Variants in DMKN observed in about 807,000 individuals in gnomAD.
DMKN encodes dermokine.
A neutral mutation model predicts 67.6 loss-of-function variants in DMKN; 58 were observed. The ratio of observed to expected loss-of-function variants is 0.86; its 90% CI spans 0.69 to 1.07. DMKN has a LOEUF of 1.07. DMKN is among the 50% of genes least tolerant of loss of function. The pLI is 0.00. For missense variants in DMKN, 596 were observed against 601.5 expected, an observed-to-expected ratio of 0.99 and a Z score of 0.10; for synonymous variants, 240 against 232.3, an observed-to-expected ratio of 1.03 and a Z score of -0.30.
rs1003927881 is a variant in DMKN at position 35,503,203 on chromosome 19, G to A, written c.1135-317C>T. The A allele has an allele frequency of 2.4e-5, 34 of 1,421,744 alleles. No individual in the cohort carries two copies. The African/African-American group carries it at 3.2e-4, about 13-fold the overall frequency. The allele number at this position is 1,421,744 out of a possible 1,614,324, so 88.1% of individuals were successfully genotyped here. ...AGAGTGTCCCCTTTCCACCTGCCGG[G>A]CCTCCTCCAGCCCGTTTCCCGAAGC... On this transcript the variant is annotated intron_variant, in intron 9 of 15. Transcript: ENST00000339686.
chr19:35,504,388 C>T (rs1365336897), intron 9 of DMKN, among the ~76,000 whole-genome samples: 11 of 151,970 alleles, frequency 7.2e-5, no homozygotes. Flanking sequence ...ACCAGCCTGG[C>T]CAACATAGTG....
intron 11 of DMKN, among the ~76,000 whole-genome samples, chr19:35,501,483 C>T (rs117363905): frequency 0.011 from 1,693 of 152,362 alleles, 17 homozygotes; most frequent in Non-Finnish European, 0.016. Context: ...TGGAGCGCCT[C>T]GACCTCCCCC....
At chr19:35,502,680 G>T in intron 10 of DMKN, 150 bp downstream of exon 10, 1 of 772,552 alleles carries the variant, frequency 1.3e-6, no homozygotes, top group South Asian at 1.6e-5. Flanking sequence ...ACTTCAGCCT[G>T]GGTGATAGAG....
At chr19:35,510,352 T>C in intron 5 of DMKN, 100 bp from the exon 6 acceptor site, 1 of 1,552,548 alleles carries the variant, frequency 6.4e-7, no homozygotes, top group Non-Finnish European at 8.7e-7. Flanking sequence ...CCCAATCAGA[T>C]TCCAGTCCTC....
intron 9 of DMKN, chr19:35,503,451 G>A (rs1410867406): frequency 3.2e-6 from 5 of 1,548,050 alleles, no homozygotes; most frequent in Non-Finnish European, 4.4e-6. Flanking sequence ...TCTGGTCCTG[G>A]GCAAAGAAAC....
At chr19:35,500,077 T>C (rs748348779) in intron 12 of DMKN, 48 bp from the exon 13 acceptor site, 16 of 1,604,400 alleles carry the variant, frequency 1.0e-5, no homozygotes, top group African/African-American at 2.7e-5. Context: ...ACGAAGGCCA[T>C]TTTGCTCTGG....
chr19:35,513,420 C>A lies in DMKN; in HGVS notation c.56G>T (p.Gly19Val). The change falls in exon 1 of 16, where the codon GGG becomes GTG. Residue 19 changes from glycine to valine, a missense_variant. Coordinates refer to ENST00000339686, the MANE Select transcript of DMKN (RefSeq NM_033317.5). ...TCCGCTCTGCAGGGGGCCAGCCTCCCCACTGCCCAGGCAGAGGGCCAGCAG... is the reference window on the plus strand; with the variant it reads ...TCCGCTCTGCAGGGGGCCAGCCTCCACACTGCCCAGGCAGAGGGCCAGCAG... ...CLLLALCLGS[G>V]EAGPLQSGEE... 1 of 1,604,090 alleles carries A rather than the reference C, an allele frequency of 6.2e-7. No homozygotes were observed. Among genetic ancestry groups the A allele is most frequent in the Non-Finnish European group, 8.5e-7 (1 of 1,179,948 alleles).
At chr19:35,508,729 G>A (rs1207619766) in intron 7 of DMKN, among the ~76,000 whole-genome samples, 1 of 152,196 alleles carries the variant, frequency 6.6e-6, no homozygotes, top group Non-Finnish European at 1.5e-5. Flanking sequence ...TGGTTAGATG[G>A]AGGGGTGGGA....
chr19:35,512,667 AG>A lies in DMKN; in HGVS notation c.549del (p.Phe184LeufsTer3). On this transcript the variant is annotated frameshift_variant, in exon 2 of 16. Coordinates refer to ENST00000339686, the MANE Select transcript of DMKN (RefSeq NM_033317.5). LOFTEE classifies it high-confidence loss of function. ...VHGYPGNSAG[S>X]FGMNPQGAPW... ...GGAGCTCCCTGAGGATTCATTCCAA[AG>A]CTGCCTGCTGAGTTTCCGGGGTATC... 6.2e-7 allele frequency: 1 copy of A among 1,614,160 alleles called. No homozygotes were observed. Among genetic ancestry groups the A allele is most frequent in the East Asian group, 2.2e-5 (1 of 44,868 alleles).
chr19:35,510,049 G>A (rs1175402448), intron 6 of DMKN, 88 bp from the exon 7 acceptor site: 2 of 1,585,378 alleles, frequency 1.3e-6, no homozygotes, highest in East Asian at 2.3e-5. Context: ...ACCCTGGGGC[G>A]AGCCGCTTCC....
At position 35,508,297 on chromosome 19, in the gene DMKN, G is replaced by A. The variant is rs1386159354; in HGVS notation, c.1038+1614C>T. The A allele has an allele frequency of 2.4e-5, 37 of 1,540,290 alleles. No individual in the cohort carries two copies. The South Asian group carries it at 3.0e-4, about 12-fold the overall frequency. ...TGCTGAAGATCCTGAGGCCACCCCC[G>A]AAAATTAATGTATTGATTTAATATG... On this transcript the variant is annotated intron_variant, in intron 7 of 15. Transcript: ENST00000339686.
intron 7 of DMKN, chr19:35,506,825 C>G: frequency 4.1e-6 from 1 of 245,770 alleles, no homozygotes; most frequent in Non-Finnish European, 8.3e-6. Context: ...AACAGCCTGG[C>G]CAACATAGTG....
At position 35,510,186 on chromosome 19, in the gene DMKN, C is replaced by T. The variant is rs376989479; in HGVS notation, c.985G>A (p.Gly329Arg). Residue 329 changes from glycine (G) to arginine (R), a missense_variant and splice_region_variant, in exon 6 of 16, where the codon GGG becomes AGG. Transcript: ENST00000339686. ...GSGGGNGHKP[G>R]CEKPGNEARG... is the part of the protein sequence containing the mutation. ...GGAGATTCACGCCAGCCACTCACCC[C>T]GGGTTTATGTCCATTTCCTCCGCCG... is the stretch of plus-strand genomic sequence containing the variant. 35 of 1,608,056 alleles carry T rather than the reference C, an allele frequency of 2.2e-5. No homozygotes were observed. The highest frequency in any genetic ancestry group is 6.7e-5 in the African/African-American group (5 of 74,776).
At chr19:35,502,235 G>A (rs1270494192) in intron 10 of DMKN, 52 bp from the exon 11 acceptor site, 1 of 1,591,012 alleles carries the variant, frequency 6.3e-7, no homozygotes, top group Non-Finnish European at 8.6e-7. Flanking sequence ...CCCACGGGGT[G>A]GTCTATGCAG....
At chr19:35,509,742 T>A (rs2070354758) in intron 7 of DMKN, 169 bp downstream of exon 7, 2 of 718,036 alleles carry the variant, frequency 2.8e-6, no homozygotes, top group South Asian at 3.7e-5. Flanking sequence ...AATTAGTACT[T>A]TGGAAATCGT....
intron 7 of DMKN, chr19:35,506,376 G>T (rs1014914098): frequency 1.6e-6 from 1 of 638,472 alleles, no homozygotes; most frequent in Non-Finnish European, 2.8e-6. Context: ...AGAATGGATT[G>T]CTCCCATGGA....
At chr19:35,508,282 C>A in intron 7 of DMKN, 4 of 1,549,492 alleles carry the variant, frequency 2.6e-6, no homozygotes, top group Non-Finnish European at 3.5e-6. Flanking sequence ...TGCTGAAGAT[C>A]CTGAGGCCAC....
chr19:35,506,515 G>A (rs1239398125), intron 7 of DMKN: 1 of 511,018 alleles, frequency 2.0e-6, no homozygotes, highest in Non-Finnish European at 3.8e-6. Context: ...CATGCCTTAT[G>A]CAGCATCTGT....
Position 35,500,558 on chromosome 19 carries a change from T to A in DMKN, c.1262A>T (p.Gln421Leu). Reference protein sequence around the residue: ...IIEGADASSLQKRAGRDDQNY... With the variant: ...IIEGADASSLLKRAGRDDQNY... Reference sequence around the variant, plus strand: ...CTGATCGTCTCTGCCTGCACGTTTCTGCAGTGATGACGCGTCCGCACCCTG... The same window carrying A: ...CTGATCGTCTCTGCCTGCACGTTTCAGCAGTGATGACGCGTCCGCACCCTG... The change falls in exon 12 of 16, where the codon CAG (glutamine) becomes CTG (leucine). Residue 421 changes from glutamine (Q) to leucine (L), a missense_variant. Coordinates refer to ENST00000339686, the MANE Select transcript of DMKN (RefSeq NM_033317.5). 6.2e-7 allele frequency: 1 copy of A among 1,612,760 alleles called. No individual in the cohort carries two copies.
Sources: gnomAD v4.1 joint callset for allele counts (sites outside exome capture counted in the v4.1 genomes callset) on GRCh38, gnomAD v4.1.1 for gene constraint, MANE v1.5 for transcripts, NCBI Gene and HGNC (gene_info 2026-07-23, HGNC 2026-07-21) for gene names.